Variants in SETDB2 observed in about 807,000 individuals in gnomAD.
SETDB2 encodes SET domain bifurcated histone lysine methyltransferase 2.
In SETDB2, 56 loss-of-function variants were observed where a neutral mutation model predicts 82.5. That is an observed-to-expected ratio of 0.68 (90% CI 0.55 to 0.85). The LOEUF (loss-of-function observed/expected upper bound fraction) is 0.85. SETDB2 is among the 40% of genes least tolerant of loss of function. SETDB2 has a pLI of 0.00. For synonymous variants in SETDB2, 272 were observed against 284.9 expected (o/e 0.95, Z 0.46); for missense variants, 677 against 816.4 (o/e 0.83, Z 2.08).
intron 5 of SETDB2, among the ~76,000 whole-genome samples, chr13:49,475,941 T>G (rs1222202586): frequency 1.3e-5 from 2 of 152,170 alleles, no homozygotes; most frequent in African/African-American, 4.8e-5. Flanking sequence ...AAAGGATTCT[T>G]GATGAATTAA....
At chr13:49,470,148 C>A (rs1008195570) in intron 5 of SETDB2, among the ~76,000 whole-genome samples, 1 of 152,124 alleles carries the variant, frequency 6.6e-6, no homozygotes, top group East Asian at 1.9e-4. Flanking sequence ...GAGTTGGTTT[C>A]TTTAACTGTT....
At chr13:49,490,279 C>CAAAAAA (rs60013535) in intron 12 of SETDB2, among the ~76,000 whole-genome samples, 914 of 82,840 alleles carry the variant, frequency 0.011, 42 homozygotes, top group East Asian at 0.028. Flanking sequence ...GACTCCGTCT[C>CAAAAAA]AAAAAAAAAA....
rs550988991 is a variant in SETDB2 at position 49,458,992 on chromosome 13, C to A, written c.17-1115C>A. On this transcript the variant is annotated intron_variant, in intron 2 of 13. Transcript: ENST00000611815. Reference sequence around the variant, plus strand: ...CCTACCTGCCTTTTAAGCACCAGTTCTCATCCATTTTGTCCTCTTACATTG... The same window carrying A: ...CCTACCTGCCTTTTAAGCACCAGTTATCATCCATTTTGTCCTCTTACATTG... Among the ~76,000 whole-genome samples, 58 of 152,346 alleles carry A rather than the reference C, an allele frequency of 3.8e-4. No homozygotes were observed. In the South Asian group the frequency reaches 0.012, roughly 30 times the overall value.
intron 2 of SETDB2, among the ~76,000 whole-genome samples, chr13:49,457,614 T>G (rs1364393804): frequency 6.6e-6 from 1 of 151,972 alleles, no homozygotes; most frequent in Admixed American, 6.6e-5. Flanking sequence ...TTTTGTGTTT[T>G]TGGTAGAGAT....
intron 4 of SETDB2, chr13:49,463,980 T>C: frequency 2.8e-6 from 2 of 719,344 alleles, no homozygotes; most frequent in Non-Finnish European, 5.2e-6. Flanking sequence ...TTATTTCTCT[T>C]TTTAATTTTA....
intron 4 of SETDB2, among the ~76,000 whole-genome samples, chr13:49,465,879 A>T (rs1316138571): frequency 6.6e-6 from 1 of 152,200 alleles, no homozygotes; most frequent in African/African-American, 2.4e-5. Flanking sequence ...GCAAAGTGTA[A>T]GGGTAGCCAT....
In SETDB2 at chr13:49,481,132, A is replaced by G; in HGVS notation, c.1156+16A>G. On this transcript the variant is annotated intron_variant, in intron 8 of 13. Coordinates refer to ENST00000611815, the MANE Select transcript of SETDB2 (RefSeq NM_001160308.3). ...ATTTATTCAGGTAAAGCAAAAGTTT[A>G]TTTTCAAATTATTCTAGAGTAGAAT... is the stretch of plus-strand genomic sequence containing the variant. 6.2e-7 allele frequency: 1 copy of G among 1,605,084 alleles called. No individual in the cohort carries two copies.
At chr13:49,490,279 C>CAAAAAAAAAAAAAAAAAAAAAA (rs60013535) in intron 12 of SETDB2, among the ~76,000 whole-genome samples, 1 of 83,180 alleles carries the variant, frequency 1.2e-5, no homozygotes, top group African/African-American at 4.6e-5. Flanking sequence ...GACTCCGTCT[C>CAAAAAAAAAAAAAAAAAAAAAA]AAAAAAAAAA....
chr13:49,484,112 G>A (rs1435890835), intron 10 of SETDB2, among the ~76,000 whole-genome samples: 1 of 152,178 alleles, frequency 6.6e-6, no homozygotes, highest in Non-Finnish European at 1.5e-5. Context: ...GCTGTATGAG[G>A]AGAATGCTGG....
chr13:49,444,875 C>T lies in SETDB2; in HGVS notation c.-342+18C>T, dbSNP rs1255009696. The stretch of plus-strand genomic sequence containing the variant: ...TTTCACAGGTAAGATTACACGAGCC[C>T]TTAAATACAGCAAGTTCAGTCATTC... On this transcript the variant is annotated intron_variant, in intron 1 of 13. Transcript: ENST00000611815. 1.3e-5 allele frequency: 2 copies of T among 152,246 alleles called. No homozygotes were observed. Among genetic ancestry groups the T allele is most frequent in the Non-Finnish European group, 2.9e-5 (2 of 68,076 alleles). The allele number at this position is 152,246 out of a possible 1,614,324, so 9.4% of individuals were successfully genotyped here.
In SETDB2 at chr13:49,492,316, G is replaced by A. The variant is rs1020233470; in HGVS notation, c.*467G>A. On this transcript the variant is annotated 3_prime_UTR_variant, in exon 14 of 14. Transcript: ENST00000611815. ...TATGAGCTACAAGGTGGGCAACAGC[G>A]CCTGAGGATCTAATTTTATGCATAT... The A allele has an allele frequency of 3.0e-5, 5 of 166,286 alleles. No individual in the cohort carries two copies. Among genetic ancestry groups the A allele is most frequent in the East Asian group, 1.7e-4 (1 of 5,762 alleles). 10.3% of individuals were successfully genotyped at this position (166,286 alleles called of 1,614,324 possible). A position where few individuals can be genotyped will look rare whatever the true frequency, so the allele number is the denominator to read the frequency against.
At position 49,492,022 on chromosome 13, in the gene SETDB2, G is replaced by A. The variant is rs1958723050; in HGVS notation, c.*173G>A. On this transcript the variant is annotated 3_prime_UTR_variant, in exon 14 of 14. Coordinates refer to ENST00000611815, the MANE Select transcript of SETDB2 (RefSeq NM_001160308.3). ...TTAGAAATTCCAGGAACACAATTAG[G>A]ATATTTTCATACACATAGGGTATCT... 1 of 677,650 alleles carries A rather than the reference G, an allele frequency of 1.5e-6. No individual in the cohort carries two copies. Among genetic ancestry groups the A allele is most frequent in the African/African-American group, 1.8e-5 (1 of 56,260 alleles). The allele number at this position is 677,650 out of a possible 1,614,324, so 42.0% of individuals were successfully genotyped here.
At chr13:49,475,102 T>A (rs1566168224) in intron 5 of SETDB2, among the ~76,000 whole-genome samples, 1 of 152,188 alleles carries the variant, frequency 6.6e-6, no homozygotes, top group Non-Finnish European at 1.5e-5. Flanking sequence ...TGGAGAGGCC[T>A]CACACTCATG....
chr13:49,482,195 G>A, intron 8 of SETDB2: 1 of 985,404 alleles, frequency 1.0e-6, no homozygotes, highest in South Asian at 4.7e-5. Flanking sequence ...ATCTAACAAT[G>A]GGTAAGAATA....
At chr13:49,463,990 AT>A in intron 4 of SETDB2, 1 of 725,320 alleles carries the variant, frequency 1.4e-6, no homozygotes, top group East Asian at 2.6e-5. Flanking sequence ...TTTTAATTTT[AT>A]TTTTCTTTCT....
intron 5 of SETDB2, among the ~76,000 whole-genome samples, chr13:49,470,433 G>A (rs1331222933): frequency 6.6e-6 from 1 of 152,196 alleles, no homozygotes; most frequent in African/African-American, 2.4e-5. Context: ...CAGGCCAGAA[G>A]TTTATTTGCT....
chr13:49,460,748 A>G (rs945788965), intron 3 of SETDB2, among the ~76,000 whole-genome samples: 2 of 151,978 alleles, frequency 1.3e-5, no homozygotes, highest in African/African-American at 2.4e-5. Context: ...TTTGAAGCAA[A>G]TTTTTCTCCA....
intron 2 of SETDB2, chr13:49,459,891 TTTAAAAA>T: frequency 2.5e-6 from 1 of 401,654 alleles, no homozygotes; most frequent in Non-Finnish European, 4.3e-6. Context: ...CAATATATAT[TTTAAAAA>T]TTAACAGAAA....
In SETDB2 at chr13:49,470,966, C is replaced by CTTTCTTTTTTTT. The variant is rs10695231; in HGVS notation, c.305+3009_305+3010insCTTTTTTTTTTT. ...GTTTTTTTGTTTTCTTTCTTTCTTT[C>CTTTCTTTTTTTT]TTTTTTTTTTTTTTTTTTGAGACAG... On this transcript the variant is annotated intron_variant, in intron 5 of 13. Transcript: ENST00000611815. 9.6e-4 allele frequency among the ~76,000 whole-genome samples: 77 copies of CTTTCTTTTTTTT among 80,464 alleles called. 2 individuals are homozygous for CTTTCTTTTTTTT. Among genetic ancestry groups the CTTTCTTTTTTTT allele is most frequent in the African/African-American group, 2.0e-3 (34 of 16,948 alleles). 52.8% of individuals were successfully genotyped at this position (80,464 alleles called of 152,430 possible).
Sources: allele counts gnomAD v4.1 joint callset (sites outside exome capture counted in the v4.1 genomes callset), GRCh38; gene constraint gnomAD v4.1.1; transcripts MANE v1.5; gene names NCBI Gene and HGNC (gene_info 2026-07-23, HGNC 2026-07-21).